The following TECRL variants were observed in gnomAD, a reference collection of about 807,000 sequenced individuals.
TECRL encodes the protein trans-2,3-enoyl-CoA reductase-like.
In TECRL, 63 loss-of-function variants were observed where a neutral mutation model predicts 52.8. The observed-to-expected ratio is 1.19, with a 90% confidence interval of 0.97 to 1.47. The LOEUF (loss-of-function observed/expected upper bound fraction) is 1.47. TECRL is among the 40% of genes most tolerant of loss of function. The probability of loss-of-function intolerance (pLI) is 0.00; values close to 1 mark genes in which losing one functional copy is unlikely to be tolerated. For missense variants in TECRL, 482 were observed against 429.6 expected (o/e 1.12, Z -1.08); for synonymous variants, 164 against 141.9 (o/e 1.16, Z -1.10).
intron 1 of TECRL, among the ~76,000 whole-genome samples, chr4:64,379,684 A>T (rs1722643784): frequency 6.6e-6 from 1 of 151,994 alleles, no homozygotes; most frequent in Non-Finnish European, 1.5e-5. Flanking sequence ...CCTTCATGAG[A>T]TTAACTTTTT....
intron 1 of TECRL, among the ~76,000 whole-genome samples, chr4:64,383,955 G>T (rs1419269141): frequency 1.3e-5 from 2 of 151,976 alleles, no homozygotes; most frequent in Non-Finnish European, 2.9e-5. Flanking sequence ...GATTCTTGGT[G>T]GGTGCAGTAT....
intron 1 of TECRL, among the ~76,000 whole-genome samples, chr4:64,376,095 A>G (rs73230491): frequency 0.015 from 2,289 of 152,056 alleles, 72 homozygotes; most frequent in African/African-American, 0.052. Context: ...TAAAAAATGC[A>G]TAAAATGTTG....
chr4:64,339,491 T>G (rs935805821), intron 2 of TECRL, among the ~76,000 whole-genome samples: 4 of 152,030 alleles, frequency 2.6e-5, no homozygotes, highest in Non-Finnish European at 4.4e-5. Flanking sequence ...ATTTTCCTTG[T>G]GGAATGCATA....
At chr4:64,395,614 T>G (rs1228853165) in intron 1 of TECRL, among the ~76,000 whole-genome samples, 1 of 152,200 alleles carries the variant, frequency 6.6e-6, no homozygotes, top group Non-Finnish European at 1.5e-5. Flanking sequence ...AAACTGAGAT[T>G]ATTTCCCCAA....
intron 2 of TECRL, among the ~76,000 whole-genome samples, chr4:64,351,691 G>A (rs1455535317): frequency 1.3e-5 from 2 of 152,068 alleles, no homozygotes; most frequent in African/African-American, 2.4e-5. Flanking sequence ...AAAATACCAC[G>A]TGTACTCCAT....
chr4:64,277,253 C>G (rs1023931318), downstream of TECRL, among the ~76,000 whole-genome samples: 3 of 151,800 alleles, frequency 2.0e-5, no homozygotes, highest in Non-Finnish European at 4.4e-5. Context: ...TTCTTCTAGT[C>G]CTACAAGAAT....
At chr4:64,322,448 G>A (rs1305759324) in intron 4 of TECRL, among the ~76,000 whole-genome samples, 1 of 121,356 alleles carries the variant, frequency 8.2e-6, no homozygotes, top group South Asian at 2.8e-4. Flanking sequence ...AGAGTGGGTT[G>A]ACTTTAAAAA....
At chr4:64,373,390 A>G (rs1193700464) in intron 2 of TECRL, among the ~76,000 whole-genome samples, 7 of 151,806 alleles carry the variant, frequency 4.6e-5, no homozygotes, top group Admixed American at 2.6e-4. Flanking sequence ...ATTGTCAGCT[A>G]TCTACTTTTG....
chr4:64,290,922 A>T (rs1723346632), intron 8 of TECRL, among the ~76,000 whole-genome samples: 1 of 152,146 alleles, frequency 6.6e-6, no homozygotes, highest in Non-Finnish European at 1.5e-5. Flanking sequence ...GTACCAACAT[A>T]ACTACACAAA....
At chr4:64,407,164 A>G (rs1231742637) in intron 1 of TECRL, among the ~76,000 whole-genome samples, 1 of 152,002 alleles carries the variant, frequency 6.6e-6, no homozygotes, top group Non-Finnish European at 1.5e-5. Context: ...ATTGCACATT[A>G]TATAGGGGTG....
chr4:64,313,311 T>C (rs974187642), intron 5 of TECRL, among the ~76,000 whole-genome samples: 6 of 151,962 alleles, frequency 3.9e-5, no homozygotes, highest in Non-Finnish European at 5.9e-5. Context: ...TTTTTTTTTT[T>C]CAACAAATTT....
At chr4:64,398,162 A>G (rs565188239) in intron 1 of TECRL, among the ~76,000 whole-genome samples, 1 of 152,230 alleles carries the variant, frequency 6.6e-6, no homozygotes, top group African/African-American at 2.4e-5. Flanking sequence ...ATTTGTATCT[A>G]TGTCCTAATT....
intron 1 of TECRL, 37 bp from the exon 2 acceptor site, chr4:64,375,260 CTG>C (rs1722317494): frequency 9.0e-7 from 1 of 1,106,442 alleles, no homozygotes; most frequent in African/African-American, 1.7e-5. Flanking sequence ...TTTTTAAAAA[CTG>C]TTAATTTGTT....
intron 9 of TECRL, 76 bp downstream of exon 9, chr4:64,289,634 T>C (rs1166277915): frequency 8.6e-7 from 1 of 1,156,506 alleles, no homozygotes; most frequent in African/African-American, 1.7e-5. Flanking sequence ...TTTTTAAAGA[T>C]TTTTTGAAGT....
At chr4:64,393,212 A>T (rs1298663157) in intron 1 of TECRL, among the ~76,000 whole-genome samples, 4 of 152,028 alleles carry the variant, frequency 2.6e-5, no homozygotes, top group Non-Finnish European at 1.5e-5. Context: ...GAGGGGGGAA[A>T]ATATTCTGAA....
chr4:64,309,864 C>T lies in TECRL; in HGVS notation c.619G>A (p.Val207Ile), dbSNP rs981345171. 6.2e-7 allele frequency: 1 copy of T among 1,612,540 alleles called. No homozygotes were observed. Among genetic ancestry groups the T allele is most frequent in the African/African-American group, 1.3e-5 (1 of 74,832 alleles). The change falls in exon 6 of 12, where the codon GTT (valine) becomes ATT (isoleucine). Residue 207 changes from valine to isoleucine, a missense_variant. By Grantham distance (29) the Val-to-Ile change is conservative (BLOSUM62 3). Coordinates refer to ENST00000381210, the MANE Select transcript of TECRL (RefSeq NM_001010874.5). ...TTCAAAGGTGTGTGTCCTGCAGAAA[C>T]TTTGTGAACAAATAAGGTTTCCAAA... ...YLLETLFVHK[V>I]SAGHTPLKNL...
intron 1 of TECRL, among the ~76,000 whole-genome samples, chr4:64,383,827 A>G (rs1363906788): frequency 1.3e-5 from 2 of 152,020 alleles, no homozygotes; most frequent in Admixed American, 1.3e-4. Context: ...CAATATGCTG[A>G]TATCTGCAGA....
intron 8 of TECRL, among the ~76,000 whole-genome samples, chr4:64,296,561 A>G (rs1723692688): frequency 6.6e-6 from 1 of 151,806 alleles, no homozygotes; most frequent in Admixed American, 6.6e-5. Context: ...TTTTGAAGAC[A>G]TTAAGAAAGG....
chr4:64,390,453 A>G (rs529436968), intron 1 of TECRL, among the ~76,000 whole-genome samples: 1 of 151,978 alleles, frequency 6.6e-6, no homozygotes, highest in East Asian at 1.9e-4. Context: ...AGCCATTATG[A>G]GTCCACCACA....
Sources: gnomAD v4.1 joint callset for allele counts (sites outside exome capture counted in the v4.1 genomes callset) on GRCh38, gnomAD v4.1.1 for gene constraint, MANE v1.5 for transcripts, NCBI Gene and HGNC (gene_info 2026-07-23, HGNC 2026-07-21) for gene names.